The following AGBL4 variants were observed in gnomAD, a reference collection of about 807,000 sequenced individuals.
AGBL4 encodes cytosolic carboxypeptidase 6.
Under a neutral mutation model 66.4 loss-of-function variants are expected in AGBL4, and 58 were observed. The observed-to-expected ratio is 0.87, with a 90% CI of 0.71 to 1.09. AGBL4 has a LOEUF of 1.09. AGBL4 is among the 50% of genes least tolerant of loss of function. AGBL4 has a pLI of 0.00. For missense variants in AGBL4, 579 were observed against 631.0 expected (o/e 0.92, Z 0.88); for synonymous variants, 234 against 222.9 (o/e 1.05, Z -0.44).
chr1:49,546,230 G>C (rs1652470619), intron 3 of AGBL4, among the ~76,000 whole-genome samples: 1 of 151,814 alleles, frequency 6.6e-6, no homozygotes, highest in South Asian at 2.1e-4. Flanking sequence ...TTTTATGGCT[G>C]AGTAGTATTC....
At chr1:49,741,151 T>G (rs921035314) in intron 2 of AGBL4, among the ~76,000 whole-genome samples, 2 of 151,980 alleles carry the variant, frequency 1.3e-5, no homozygotes, top group Non-Finnish European at 2.9e-5. Context: ...GATAGACCGC[T>G]AGCAAGACTA....
chr1:49,920,028 C>T (rs1652036294), intron 1 of AGBL4, among the ~76,000 whole-genome samples: 1 of 152,100 alleles, frequency 6.6e-6, no homozygotes, highest in Non-Finnish European at 1.5e-5. Context: ...GGAAAACTGG[C>T]TAGCCATATG....
chr1:48,605,873 G>T (rs190716562), intron 9 of AGBL4, among the ~76,000 whole-genome samples: 1 of 152,020 alleles, frequency 6.6e-6, no homozygotes, highest in African/African-American at 2.4e-5. Flanking sequence ...CTATTCTCTG[G>T]GTTCTTTCTC....
chr1:48,875,887 A>G (rs548008823), intron 5 of AGBL4, among the ~76,000 whole-genome samples: 2 of 152,274 alleles, frequency 1.3e-5, no homozygotes, highest in Non-Finnish European at 1.5e-5. Context: ...ACTCAAACCC[A>G]TACTGATTGC....
At chr1:49,805,367 G>C (rs1411442312) in intron 2 of AGBL4, among the ~76,000 whole-genome samples, 1 of 152,102 alleles carries the variant, frequency 6.6e-6, no homozygotes, top group African/African-American at 2.4e-5. Flanking sequence ...TGATTGAATG[G>C]GTTTCAGGGA....
At chr1:48,888,224 T>C (rs138443544) in intron 5 of AGBL4, among the ~76,000 whole-genome samples, 92 of 152,292 alleles carry the variant, frequency 6.0e-4, no homozygotes, top group African/African-American at 2.1e-3. Flanking sequence ...AAAAGCATCA[T>C]ACAAACCCAT....
chr1:49,970,182 T>C (rs1657935232), intron 1 of AGBL4, among the ~76,000 whole-genome samples: 1 of 152,124 alleles, frequency 6.6e-6, no homozygotes, highest in Non-Finnish European at 1.5e-5. Context: ...TTCTTGCCAC[T>C]GGTCTTGACA....
At chr1:49,078,558 G>A (rs900988680) in intron 4 of AGBL4, among the ~76,000 whole-genome samples, 1 of 151,902 alleles carries the variant, frequency 6.6e-6, no homozygotes, top group African/African-American at 2.4e-5. Flanking sequence ...ATACACTCTC[G>A]GAAATATATC....
At chr1:48,825,440 T>C (rs915014294) in intron 6 of AGBL4, among the ~76,000 whole-genome samples, 15 of 152,208 alleles carry the variant, frequency 9.9e-5, no homozygotes, top group Non-Finnish European at 1.9e-4. Flanking sequence ...CAATATCTTA[T>C]TGCACCATTT....
intron 3 of AGBL4, among the ~76,000 whole-genome samples, chr1:49,677,554 AACTT>A (rs1407756382): frequency 1.3e-5 from 2 of 152,074 alleles, no homozygotes; most frequent in East Asian, 3.9e-4. Flanking sequence ...TTATCTTTTT[AACTT>A]GCACTCTCTT....
intron 1 of AGBL4, among the ~76,000 whole-genome samples, chr1:49,904,712 A>G (rs988174365): frequency 3.3e-5 from 5 of 152,220 alleles, no homozygotes; most frequent in Non-Finnish European, 5.9e-5. Context: ...TTGCATTTTT[A>G]TAGATAAAAC....
chr1:49,534,997 T>G (rs1266126518), intron 3 of AGBL4, among the ~76,000 whole-genome samples: 6 of 152,206 alleles, frequency 3.9e-5, no homozygotes, highest in Non-Finnish European at 8.8e-5. Flanking sequence ...TGCACAGCTC[T>G]TGGCTCCCAA....
At chr1:48,547,564 A>G (rs1644184612) in intron 11 of AGBL4, among the ~76,000 whole-genome samples, 2 of 152,118 alleles carry the variant, frequency 1.3e-5, no homozygotes, top group Admixed American at 1.3e-4. Flanking sequence ...GAGCTATGAG[A>G]CATTAAGTAT....
At chr1:49,552,614 C>T (rs956901895) in intron 3 of AGBL4, among the ~76,000 whole-genome samples, 2 of 152,196 alleles carry the variant, frequency 1.3e-5, no homozygotes, top group African/African-American at 4.8e-5. Context: ...GAGGCTCTCC[C>T]TCTCCCACCT....
intron 6 of AGBL4, among the ~76,000 whole-genome samples, chr1:48,709,998 G>C (rs937879075): frequency 1.3e-5 from 2 of 152,108 alleles, no homozygotes; most frequent in Non-Finnish European, 2.9e-5. Flanking sequence ...CCCACTTTAC[G>C]GATGAGGAAC....
intron 3 of AGBL4, among the ~76,000 whole-genome samples, chr1:49,561,631 A>G (rs1571040640): frequency 6.6e-6 from 1 of 152,122 alleles, no homozygotes; most frequent in African/African-American, 2.4e-5. Flanking sequence ...TACAAAGGAC[A>G]TGAACTCATC....
intron 5 of AGBL4, among the ~76,000 whole-genome samples, chr1:48,979,198 T>C (rs2148962521): frequency 6.6e-6 from 1 of 152,330 alleles, no homozygotes; most frequent in East Asian, 1.9e-4. Context: ...TCTAAATTAG[T>C]ATCTCTACTT....
At chr1:48,818,621 T>C (rs1173534217) in intron 6 of AGBL4, among the ~76,000 whole-genome samples, 3 of 152,194 alleles carry the variant, frequency 2.0e-5, no homozygotes, top group African/African-American at 7.2e-5. Flanking sequence ...TACTTACTTA[T>C]TTACTTGATG....
chr1:48,611,132 A>T lies in AGBL4; in HGVS notation c.952-20147T>A, dbSNP rs964083997. Among the ~76,000 whole-genome samples, 15 of 152,358 alleles carry T rather than the reference A, an allele frequency of 9.8e-5. No individual in the cohort carries two copies. The East Asian group carries it at 2.5e-3, about 25-fold the overall frequency. On this transcript the variant is annotated intron_variant, in intron 9 of 13. Transcript: ENST00000371839. The stretch of plus-strand genomic sequence containing the variant: ...GCCCAGCTCTGTCAGCTGCCCTGAT[A>T]TCTGTTTGTGAAAAACGGATAGGCC...
Sources: gnomAD v4.1 joint callset for allele counts (sites outside exome capture counted in the v4.1 genomes callset) on GRCh38, gnomAD v4.1.1 for gene constraint, MANE v1.5 for transcripts, NCBI Gene and HGNC (gene_info 2026-07-23, HGNC 2026-07-21) for gene names.